HYDIN: variants seen among roughly 807,000 people sequenced by gnomAD.
HYDIN encodes HYDIN axonemal central pair apparatus protein, also known as axonemal central pair apparatus protein HYDIN.
Under a neutral mutation model 403.9 loss-of-function variants are expected in HYDIN, and 132 were observed. The ratio of observed to expected loss-of-function variants is 0.33; its 90% CI spans 0.28 to 0.38. HYDIN has a LOEUF of 0.38. Among genes scored for constraint, HYDIN ranks in the 10% least tolerant of loss-of-function variants. The probability of loss-of-function intolerance (pLI) is 1.00; values close to 1 mark genes in which losing one functional copy is unlikely to be tolerated. For missense variants in HYDIN, 2,827 were observed against 5,009.5 expected (o/e 0.56, Z 13.15); for synonymous variants, 1,202 against 1,891.7 (o/e 0.64, Z 9.46).
intron 18 of HYDIN, among the ~76,000 whole-genome samples, chr16:71,032,342 G>GA (rs1306914255): frequency 1.5e-5 from 2 of 137,114 alleles, no homozygotes; most frequent in African/African-American, 5.4e-5. Context: ...ATTTTTAAAA[G>GA]AAACGTTTTT....
At chr16:71,219,247 T>C (rs770058754) in intron 1 of HYDIN, among the ~76,000 whole-genome samples, 2 of 152,122 alleles carry the variant, frequency 1.3e-5, no homozygotes, top group Non-Finnish European at 2.9e-5. Context: ...ATAATGTTAT[T>C]AGAGCAACTT....
At chr16:70,830,126 G>A (rs1476897951) in intron 80 of HYDIN, among the ~76,000 whole-genome samples, 2 of 152,054 alleles carry the variant, frequency 1.3e-5, no homozygotes, top group East Asian at 1.9e-4. Flanking sequence ...AATGTAGAGC[G>A]TGCAGGATAG....
chr16:71,211,860 C>G (rs2088611262), intron 1 of HYDIN, among the ~76,000 whole-genome samples: 1 of 151,996 alleles, frequency 6.6e-6, no homozygotes, highest in Admixed American at 6.6e-5. Flanking sequence ...TTATTAGATA[C>G]AGATTACAAA....
At chr16:71,070,271 CTCCTTCCT>C (rs146740657) in intron 13 of HYDIN, among the ~76,000 whole-genome samples, 17 of 147,224 alleles carry the variant, frequency 1.2e-4, no homozygotes, top group East Asian at 2.0e-4. Context: ...TTCTTTCTCT[CTCCTTCCT>C]TCCTTCCTTC....
intron 46 of HYDIN, among the ~76,000 whole-genome samples, chr16:70,919,304 A>G (rs1055585198): frequency 4.6e-5 from 7 of 152,228 alleles, no homozygotes; most frequent in African/African-American, 1.4e-4. Flanking sequence ...TGTTCTTGTT[A>G]TAGTCCTTTT....
At chr16:70,808,850 C>T (rs1296223700) in intron 85 of HYDIN, among the ~76,000 whole-genome samples, 1 of 152,166 alleles carries the variant, frequency 6.6e-6, no homozygotes, top group African/African-American at 2.4e-5. Context: ...ATACAACTGT[C>T]CCCTCTTCCC....
rs34824792 is a variant in HYDIN, at chr16:71,191,406, C to T, written c.-23-4488G>A. Among the ~76,000 whole-genome samples the T allele has an allele frequency of 5.9e-5, 9 of 152,090 alleles. 1 individual carries two copies. The South Asian group carries it at 6.2e-4, about 11-fold the overall frequency. ...CTTTAAAATACTACAGGAAAAAATG[C>T]GCGTGTTTGCGTTTACCTAGGTAAC... On this transcript the variant is annotated intron_variant, in intron 1 of 85. Coordinates refer to ENST00000393567, the MANE Select transcript of HYDIN (RefSeq NM_001270974.2).
At chr16:71,085,617 C>G (rs1005670669) in intron 12 of HYDIN, among the ~76,000 whole-genome samples, 1 of 152,132 alleles carries the variant, frequency 6.6e-6, no homozygotes, top group East Asian at 1.9e-4. Context: ...TCTGTCTGCA[C>G]TTCACATATT....
intron 13 of HYDIN, among the ~76,000 whole-genome samples, chr16:71,069,817 G>A (rs1220408161): frequency 6.6e-6 from 1 of 152,206 alleles, no homozygotes; most frequent in African/African-American, 2.4e-5. Flanking sequence ...CGGGGAGGCA[G>A]CCTCTGTTAG....
intron 5 of HYDIN, among the ~76,000 whole-genome samples, chr16:71,171,816 A>G (rs570301496): frequency 7.9e-5 from 12 of 152,342 alleles, no homozygotes; most frequent in South Asian, 2.1e-4. Context: ...CTGTAGGCTA[A>G]CCTCAAGTCA....
At chr16:71,012,847 CT>C (rs35998725) in intron 23 of HYDIN, among the ~76,000 whole-genome samples, 8,963 of 125,616 alleles carry the variant, frequency 0.071, 493 homozygotes, top group African/African-American at 0.21. Flanking sequence ...AACCAGGTGG[CT>C]TTTTTTTTTT....
At position 70,898,895 on chromosome 16, in the gene HYDIN, C is replaced by T. The variant is rs541039510; in HGVS notation, c.9048+2109G>A. On this transcript the variant is annotated intron_variant, in intron 53 of 85. Transcript: ENST00000393567. ...AGTAGCTGGGGTTACAGGCGTGCGCCACCACATCCGGCTAATTTTTGTAAT... is the reference window on the plus strand; with the variant it reads ...AGTAGCTGGGGTTACAGGCGTGCGCTACCACATCCGGCTAATTTTTGTAAT... 2.3e-3 allele frequency among the ~76,000 whole-genome samples: 356 copies of T among 151,830 alleles called. 2 individuals are homozygous for T. Among genetic ancestry groups the T allele is most frequent in the African/African-American group, 8.2e-3 (339 of 41,404 alleles).
intron 49 of HYDIN, 87 bp downstream of exon 49, chr16:70,908,165 A>G: frequency 8.6e-7 from 1 of 1,160,222 alleles, no homozygotes; most frequent in Non-Finnish European, 1.2e-6. Flanking sequence ...GCTCCACGTT[A>G]TGGTAAGAGC....
At chr16:70,895,692 T>C (rs1406535102) in intron 54 of HYDIN, among the ~76,000 whole-genome samples, 1 of 151,258 alleles carries the variant, frequency 6.6e-6, no homozygotes, top group Non-Finnish European at 1.5e-5. Flanking sequence ...ATGGCAGTGA[T>C]AGAAAACTAA....
chr16:70,956,046 C>T (rs976054094), intron 39 of HYDIN, among the ~76,000 whole-genome samples: 9 of 152,128 alleles, frequency 5.9e-5, no homozygotes, highest in Non-Finnish European at 1.2e-4. Flanking sequence ...TCTCGAACTC[C>T]TAACTTCAAA....
chr16:71,226,149 G>A (rs2041023560), intron 1 of HYDIN, among the ~76,000 whole-genome samples: 1 of 152,188 alleles, frequency 6.6e-6, no homozygotes, highest in Non-Finnish European at 1.5e-5. Flanking sequence ...CAAACTACCA[G>A]ATTTCAAAAT....
At chr16:70,981,896 A>G (rs1328456445) in intron 28 of HYDIN, among the ~76,000 whole-genome samples, 1 of 152,066 alleles carries the variant, frequency 6.6e-6, no homozygotes, top group African/African-American at 2.4e-5. Flanking sequence ...TGGGAGGCTG[A>G]GGTGGGTGGA....
At chr16:70,995,685 C>T (rs957429166) in intron 23 of HYDIN, among the ~76,000 whole-genome samples, 8 of 152,190 alleles carry the variant, frequency 5.3e-5, no homozygotes, top group Admixed American at 5.2e-4. Flanking sequence ...ATGGTGGATG[C>T]TGGACACCCA....
chr16:71,040,784 G>A (rs555396327), intron 18 of HYDIN, among the ~76,000 whole-genome samples: 10 of 114,928 alleles, frequency 8.7e-5, no homozygotes, highest in South Asian at 3.1e-4. Context: ...CTTAGTTTCC[G>A]GGACACCAGG....
Sources: gnomAD v4.1 joint callset for allele counts (sites outside exome capture counted in the v4.1 genomes callset) on GRCh38, gnomAD v4.1.1 for gene constraint, MANE v1.5 for transcripts, NCBI Gene and HGNC (gene_info 2026-07-23, HGNC 2026-07-21) for gene names.